The following NAA16 variants were observed in gnomAD, a reference collection of about 807,000 sequenced individuals.
NAA16 encodes the protein NARG1-like protein.
A neutral mutation model predicts 110.3 loss-of-function variants in NAA16; 97 were observed. The ratio of observed to expected loss-of-function variants is 0.88; its 90% confidence interval spans 0.75 to 1.04. The LOEUF (loss-of-function observed/expected upper bound fraction) is 1.04, where lower values mean the gene tolerates loss of function less well. NAA16 is among the 50% of genes least tolerant of loss of function. The pLI is 0.00. For missense variants in NAA16, 1,017 were observed against 1,005.1 expected, an observed-to-expected ratio of 1.01 and a Z score of -0.16; for synonymous variants, 372 against 330.6, an observed-to-expected ratio of 1.13 and a Z score of -1.36.
Position 41,362,211 on chromosome 13 carries a change from A to G in NAA16, c.1539+52A>G, listed in dbSNP as rs779391240. 7.1e-6 allele frequency: 11 copies of G among 1,545,566 alleles called. 1 individual carries two copies. In the South Asian group the frequency reaches 1.2e-4, roughly 17 times the overall value. ...TTTTCACTGTAAGGTGATAAAAAGC[A>G]GGTAGATTTCTACACAGGATCATCT... is the stretch of plus-strand genomic sequence containing the variant. On this transcript the variant is annotated intron_variant, in intron 13 of 19. Transcript: ENST00000379406.
intron 8 of NAA16, 60 bp downstream of exon 8, chr13:41,331,429 A>T (rs916129969): frequency 1.5e-5 from 18 of 1,233,996 alleles, no homozygotes; most frequent in Non-Finnish European, 2.0e-5. Flanking sequence ...AATGTTATTT[A>T]TATTTTAGAA....
rs3812896 is a variant in NAA16 at position 41,328,803 on chromosome 13, T to C, written c.771T>C (p.Asn257=). The C allele has an allele frequency of 0.94, 1,501,823 of 1,605,834 alleles. 702,818 individuals are homozygous for C. The highest frequency in any genetic ancestry group is 0.99 in the South Asian group (89,353 of 90,702). ...FKNLIDRNAE[N]WCYYEGLEKA... is the part of the protein sequence containing the mutation. ...ACTTGATTGATCGAAATGCAGAAAA[T>C]TGGTGTTATTATGAAGGCTTGGAAA... The change falls in exon 7 of 20, where the codon AAT becomes AAC. Residue 257 remains asparagine (N), a synonymous_variant. Transcript: ENST00000379406.
chr13:41,339,339 A>G (rs1301572212), intron 9 of NAA16, among the ~76,000 whole-genome samples: 1 of 152,052 alleles, frequency 6.6e-6, no homozygotes, highest in Non-Finnish European at 1.5e-5. Context: ...AGGTTTCTCC[A>G]CGTTGGTCAG....
chr13:41,340,226 C>CT (rs1447825146), intron 9 of NAA16, among the ~76,000 whole-genome samples: 3 of 152,120 alleles, frequency 2.0e-5, no homozygotes, highest in Non-Finnish European at 4.4e-5. Flanking sequence ...AATTGCCAGT[C>CT]TTTGAGTGAG....
At chr13:41,372,140 T>G in intron 15 of NAA16, 63 bp from the exon 16 acceptor site, 1 of 1,305,324 alleles carries the variant, frequency 7.7e-7, no homozygotes, top group Non-Finnish European at 1.0e-6. Flanking sequence ...AATATAAAAT[T>G]TTAGGGGAAA....
At chr13:41,326,077 TAC>T (rs2042086500) in intron 6 of NAA16, among the ~76,000 whole-genome samples, 1 of 152,146 alleles carries the variant, frequency 6.6e-6, no homozygotes, top group Non-Finnish European at 1.5e-5. Context: ...CCCCAAATCA[TAC>T]AGTTTAGTAA....
In NAA16 at chr13:41,325,847, T is replaced by TA. The variant is rs754346218; in HGVS notation, c.690dup (p.Gly231ArgfsTer15). 1.3e-6 allele frequency: 2 copies of TA among 1,596,476 alleles called. No homozygotes were observed. The highest frequency in any genetic ancestry group is 4.5e-5 in the East Asian group (2 of 44,528). On this transcript the variant is annotated frameshift_variant, in exon 6 of 20. Transcript: ENST00000379406. LOFTEE classifies it high-confidence loss of function. ...GTGATAAACTTTTGGTGGAAGAAAT[T>TA]AAAGGTAAGTTGGCTTGCCTTTTTT... is the stretch of plus-strand genomic sequence containing the variant.
chr13:41,333,128 A>G (rs1439494240), intron 8 of NAA16, among the ~76,000 whole-genome samples: 1 of 152,110 alleles, frequency 6.6e-6, no homozygotes, highest in East Asian at 1.9e-4. Flanking sequence ...AGCTTTTAAT[A>G]TACACTTTGT....
intron 17 of NAA16, 63 bp from the exon 18 acceptor site, chr13:41,373,574 A>G: frequency 6.7e-7 from 1 of 1,481,618 alleles, no homozygotes; most frequent in Non-Finnish European, 8.9e-7. Flanking sequence ...GGTTTTCAGT[A>G]GGTTTTTTTT....
At chr13:41,332,499 C>T (rs948501799) in intron 8 of NAA16, among the ~76,000 whole-genome samples, 7 of 152,030 alleles carry the variant, frequency 4.6e-5, no homozygotes, top group East Asian at 1.9e-4. Flanking sequence ...CTACATAGGA[C>T]GTAGACAGTA....
chr13:41,372,196 A>G lies in NAA16; in HGVS notation c.1948-7A>G. 6.6e-7 allele frequency: 1 copy of G among 1,523,128 alleles called. No individual in the cohort carries two copies. Among genetic ancestry groups the G allele is most frequent in the Non-Finnish European group, 8.8e-7 (1 of 1,134,588 alleles). The allele number at this position is 1,523,128 out of a possible 1,614,324, so 94.4% of individuals were successfully genotyped here. A position where few individuals can be genotyped will look rare whatever the true frequency, so the allele number is the denominator to read the frequency against. On this transcript the variant is annotated splice_polypyrimidine_tract_variant and splice_region_variant and intron_variant, in intron 15 of 19. Transcript: ENST00000379406. The stretch of plus-strand genomic sequence containing the variant: ...TTTAAATAATTTTCCTTTCTGTTTC[A>G]AAATAGGTAGAAAATCCATTAGAGG...
At chr13:41,343,590 G>C (rs943859725) in intron 9 of NAA16, among the ~76,000 whole-genome samples, 3 of 152,056 alleles carry the variant, frequency 2.0e-5, no homozygotes, top group African/African-American at 7.2e-5. Flanking sequence ...GAGTGCAGTG[G>C]CACCATCTCG....
intron 1 of NAA16, among the ~76,000 whole-genome samples, chr13:41,312,501 G>A (rs555543474): frequency 1.9e-4 from 29 of 152,164 alleles, no homozygotes; most frequent in African/African-American, 7.0e-4. Context: ...GCTACCCTAG[G>A]TTTTAAACTA....
rs957110119 is a variant in NAA16 at position 41,347,202 on chromosome 13, G to A, written c.1015-7942G>A. Among the ~76,000 whole-genome samples the A allele has an allele frequency of 2.6e-4, 33 of 128,106 alleles. No homozygotes were observed. In the East Asian group the frequency reaches 4.5e-3, roughly 17 times the overall value. The allele number at this position is 128,106 out of a possible 152,430, so 84.0% of individuals were successfully genotyped here. On this transcript the variant is annotated intron_variant, in intron 9 of 19. Transcript: ENST00000379406. ...CTACACTCCAGCGTGGCGACAGAGC[G>A]AGACTCCGTCTCAAAAAAAAAAAAA...
At chr13:41,359,629 C>T (rs1363510129) in intron 12 of NAA16, among the ~76,000 whole-genome samples, 1 of 152,106 alleles carries the variant, frequency 6.6e-6, no homozygotes, top group Non-Finnish European at 1.5e-5. Flanking sequence ...ATTAGTTACT[C>T]CTGTTGGGGA....
At chr13:41,373,549 C>T (rs1242390105) in intron 17 of NAA16, 88 bp from the exon 18 acceptor site, 41 of 1,409,798 alleles carry the variant, frequency 2.9e-5, no homozygotes, top group South Asian at 1.2e-4. Flanking sequence ...TGAGCCACCG[C>T]GCCCAGCCAT....
chr13:41,360,126 G>C (rs550142141), intron 12 of NAA16, among the ~76,000 whole-genome samples: 1 of 152,144 alleles, frequency 6.6e-6, no homozygotes, highest in South Asian at 2.1e-4. Context: ...TCAGAGAAAA[G>C]TACCACATGG....
intron 8 of NAA16, among the ~76,000 whole-genome samples, chr13:41,333,006 A>T (rs920524089): frequency 1.3e-5 from 2 of 152,134 alleles, no homozygotes; most frequent in East Asian, 1.9e-4. Flanking sequence ...GTCCAAGTGG[A>T]TATTAATAGG....
In NAA16 at chr13:41,322,948, C is replaced by G. The variant is rs774132156; in HGVS notation, c.403-108C>G. The stretch of plus-strand genomic sequence containing the variant: ...ACTTCTATTTTATTCTGAAACTGAT[C>G]TTTGTTGATATAGTTCATTAGAAAT... On this transcript the variant is annotated intron_variant, in intron 4 of 19. Transcript: ENST00000379406. 19 of 1,018,572 alleles carry G rather than the reference C, an allele frequency of 1.9e-5. No individual in the cohort carries two copies. The African/African-American group carries it at 2.4e-4, about 13-fold the overall frequency. The allele number at this position is 1,018,572 out of a possible 1,614,324, so 63.1% of individuals were successfully genotyped here.
Sources: allele counts gnomAD v4.1 joint callset (sites outside exome capture counted in the v4.1 genomes callset), GRCh38; gene constraint gnomAD v4.1.1; transcripts MANE v1.5; gene names NCBI Gene and HGNC (gene_info 2026-07-23, HGNC 2026-07-21).